LRCH1: variants seen among roughly 807,000 people sequenced by gnomAD.
LRCH1 encodes the protein leucine rich repeats and calponin homology domain containing 1.
LRCH1 carries 23 observed loss-of-function variants against 94.9 expected under a neutral mutation model. That is an observed-to-expected ratio of 0.24 (90% CI 0.17 to 0.34). The LOEUF is 0.34. LRCH1 is among the 10% of genes least tolerant of loss of function. The pLI is 1.00. For synonymous variants in LRCH1, 364 were observed against 354.9 expected (o/e 1.03, Z -0.29); for missense variants, 790 against 945.9 (o/e 0.84, Z 2.16).
intron 1 of LRCH1, among the ~76,000 whole-genome samples, chr13:46,642,903 G>C (rs1372852851): frequency 6.7e-6 from 1 of 149,930 alleles, no homozygotes; most frequent in African/African-American, 2.5e-5. Context: ...TGAACCCCAG[G>C]CTTTAGGATG....
intron 1 of LRCH1, among the ~76,000 whole-genome samples, chr13:46,635,194 C>G (rs928443541): frequency 6.6e-6 from 1 of 152,190 alleles, no homozygotes; most frequent in Non-Finnish European, 1.5e-5. Flanking sequence ...TACTGCCACC[C>G]AGCACTCACA....
At chr13:46,650,180 T>G in intron 1 of LRCH1, 21 bp from the exon 2 acceptor site, 1 of 1,575,634 alleles carries the variant, frequency 6.3e-7, no homozygotes, top group Non-Finnish European at 8.7e-7. Context: ...GTTGAGAAAA[T>G]ATTCTCTCCT....
chr13:46,692,367 G>A (rs568785096), intron 7 of LRCH1, among the ~76,000 whole-genome samples, 169 bp from the exon 8 acceptor site: 18 of 152,068 alleles, frequency 1.2e-4, no homozygotes, highest in Middle Eastern at 3.4e-3. Flanking sequence ...CCATGGATTA[G>A]TTTTGCATTT....
At chr13:46,722,365 G>GA (rs544779393) in intron 16 of LRCH1, among the ~76,000 whole-genome samples, 30 of 148,848 alleles carry the variant, frequency 2.0e-4, no homozygotes, top group East Asian at 7.8e-4. Context: ...TCTCTAGGAA[G>GA]AAAAAAAAAA....
intron 1 of LRCH1, among the ~76,000 whole-genome samples, chr13:46,569,984 A>T (rs1371246381): frequency 6.6e-6 from 1 of 152,200 alleles, no homozygotes; most frequent in Admixed American, 6.5e-5. Context: ...AACAGAGTTT[A>T]TAATGATTGA....
At chr13:46,631,718 G>A (rs1157949821) in intron 1 of LRCH1, among the ~76,000 whole-genome samples, 1 of 151,780 alleles carries the variant, frequency 6.6e-6, no homozygotes, top group Non-Finnish European at 1.5e-5. Context: ...TTTTTTTATT[G>A]TGATAAAATA....
intron 13 of LRCH1, among the ~76,000 whole-genome samples, chr13:46,707,902 G>A (rs901068043): frequency 1.3e-5 from 2 of 152,162 alleles, no homozygotes; most frequent in Admixed American, 6.5e-5. Flanking sequence ...TTACATTCTA[G>A]GTAAAGGTAT....
chr13:46,591,895 C>G (rs1021463430), intron 1 of LRCH1, among the ~76,000 whole-genome samples: 2 of 152,226 alleles, frequency 1.3e-5, no homozygotes, highest in Non-Finnish European at 2.9e-5. Flanking sequence ...GATTTGCAAC[C>G]TAAGTATTAG....
intron 1 of LRCH1, among the ~76,000 whole-genome samples, chr13:46,558,995 C>A (rs1420764830): frequency 6.6e-6 from 1 of 152,190 alleles, no homozygotes; most frequent in African/African-American, 2.4e-5. Flanking sequence ...TTCAAAGGAT[C>A]TTCTCTGAGA....
chr13:46,606,867 A>C (rs895509500), intron 1 of LRCH1, among the ~76,000 whole-genome samples: 1 of 152,158 alleles, frequency 6.6e-6, no homozygotes, highest in Non-Finnish European at 1.5e-5. Context: ...AGCACCTGGC[A>C]GAAAGAAATT....
chr13:46,660,157 G>A (rs1023968226), intron 2 of LRCH1, among the ~76,000 whole-genome samples: 2 of 151,018 alleles, frequency 1.3e-5, no homozygotes, highest in South Asian at 2.1e-4. Flanking sequence ...GACTACAGGC[G>A]CCCGCCACCA....
intron 1 of LRCH1, among the ~76,000 whole-genome samples, chr13:46,560,140 C>CATAT (rs58876595): frequency 1.5e-5 from 2 of 133,800 alleles, no homozygotes; most frequent in Non-Finnish European, 3.3e-5. Flanking sequence ...TCTGTTCCCC[C>CATAT]ATATATATAG....
chr13:46,740,037 G>A (rs17355629), intron 19 of LRCH1, among the ~76,000 whole-genome samples: 6,379 of 152,278 alleles, frequency 0.042, 209 homozygotes, highest in Non-Finnish European at 0.067. Context: ...TACTAGTTTT[G>A]TGAAAATCAC....
intron 1 of LRCH1, among the ~76,000 whole-genome samples, chr13:46,559,406 C>T (rs547036640): frequency 1.3e-5 from 2 of 152,134 alleles, no homozygotes; most frequent in South Asian, 4.1e-4. Flanking sequence ...GATTCATATC[C>T]TTTTCTTTCC....
intron 1 of LRCH1, among the ~76,000 whole-genome samples, chr13:46,609,825 G>A (rs990145552): frequency 2.6e-5 from 4 of 152,166 alleles, no homozygotes; most frequent in Admixed American, 1.3e-4. Context: ...GCCTATGAGC[G>A]GGGAGGCGGG....
chr13:46,661,799 T>C (rs1478378571), intron 2 of LRCH1, among the ~76,000 whole-genome samples: 1 of 152,222 alleles, frequency 6.6e-6, no homozygotes, highest in Non-Finnish European at 1.5e-5. Context: ...TAATTTTTAT[T>C]ATGAATATTT....
intron 19 of LRCH1, among the ~76,000 whole-genome samples, chr13:46,737,868 G>T (rs1304778091): frequency 6.6e-6 from 1 of 152,074 alleles, no homozygotes; most frequent in Non-Finnish European, 1.5e-5. Flanking sequence ...ATATTTTAGG[G>T]CTCTTATTAG....
chr13:46,611,837 G>A (rs764049589), intron 1 of LRCH1, among the ~76,000 whole-genome samples: 2 of 152,176 alleles, frequency 1.3e-5, no homozygotes, highest in African/African-American at 2.4e-5. Flanking sequence ...ATTTGAAATT[G>A]CATAGGTGGC....
intron 19 of LRCH1, among the ~76,000 whole-genome samples, chr13:46,738,934 C>T (rs1027152708): frequency 7.9e-5 from 12 of 152,216 alleles, no homozygotes; most frequent in Admixed American, 7.9e-4. Flanking sequence ...CCCCACCTCT[C>T]TCCTCTCCCT....
Sources: allele counts gnomAD v4.1 joint callset (sites outside exome capture counted in the v4.1 genomes callset), GRCh38; gene constraint gnomAD v4.1.1; transcripts MANE v1.5; gene names NCBI Gene and HGNC (gene_info 2026-07-23, HGNC 2026-07-21).